The following MARCHF1 variants were observed in gnomAD, a reference collection of about 807,000 sequenced individuals.
MARCHF1 encodes membrane associated ring-CH-type finger 1.
MARCHF1 carries 40 observed loss-of-function variants against 54.2 expected under a neutral mutation model. That is an observed-to-expected ratio of 0.74 (90% confidence interval 0.57 to 0.96). The LOEUF (loss-of-function observed/expected upper bound fraction) is 0.96. Among genes scored for constraint, MARCHF1 ranks in the 40% least tolerant of loss-of-function variants. The pLI, the probability that MARCHF1 is intolerant of heterozygous loss-of-function variation, is 0.00. For synonymous variants in MARCHF1, 236 were observed against 236.3 expected (o/e 1.00, Z 0.01); for missense variants, 586 against 656.5 (o/e 0.89, Z 1.17).
chr4:164,164,880 A>C (rs901016424), intron 1 of MARCHF1, among the ~76,000 whole-genome samples: 2 of 152,080 alleles, frequency 1.3e-5, no homozygotes, highest in Non-Finnish European at 2.9e-5. Flanking sequence ...CAATGGGCCA[A>C]GTAAGACCCT....
chr4:164,379,573 G>C (rs967956331), intron 1 of MARCHF1, among the ~76,000 whole-genome samples: 2 of 152,062 alleles, frequency 1.3e-5, no homozygotes, highest in African/African-American at 2.4e-5. Context: ...GCAATATATA[G>C]AAAACTAAAG....
At chr4:163,749,328 TG>T (rs1260061390) in intron 4 of MARCHF1, among the ~76,000 whole-genome samples, 18 of 152,136 alleles carry the variant, frequency 1.2e-4, no homozygotes, top group African/African-American at 4.1e-4. Flanking sequence ...TTTTTGTTTT[TG>T]TTTTTTTATT....
intron 8 of MARCHF1, among the ~76,000 whole-genome samples, chr4:163,546,294 T>A (rs932526313): frequency 6.6e-6 from 1 of 152,188 alleles, no homozygotes; most frequent in Non-Finnish European, 1.5e-5. Context: ...AGATATATAT[T>A]AAATTGCAAA....
intron 9 of MARCHF1, among the ~76,000 whole-genome samples, chr4:163,532,142 A>G (rs1214937624): frequency 3.3e-5 from 5 of 151,860 alleles, no homozygotes; most frequent in African/African-American, 7.2e-5. Flanking sequence ...AGCCAACACA[A>G]TATTGAAGTG....
chr4:163,936,079 G>A (rs1751788670), intron 3 of MARCHF1, among the ~76,000 whole-genome samples: 1 of 152,220 alleles, frequency 6.6e-6, no homozygotes, highest in African/African-American at 2.4e-5. Flanking sequence ...GAATAGGAAG[G>A]TCCGAGGACA....
intron 1 of MARCHF1, among the ~76,000 whole-genome samples, chr4:164,373,828 A>T (rs1731108250): frequency 6.6e-6 from 1 of 152,192 alleles, no homozygotes; most frequent in Admixed American, 6.5e-5. Context: ...AGAGAGAATG[A>T]GTGGCTTGTC....
At chr4:163,567,368 G>A (rs187676329) in intron 8 of MARCHF1, among the ~76,000 whole-genome samples, 113 of 152,208 alleles carry the variant, frequency 7.4e-4, no homozygotes, top group African/African-American at 2.6e-3. Flanking sequence ...TACACAAAAC[G>A]CAGTCCTGCA....
chr4:163,838,640 G>A (rs949586825), intron 4 of MARCHF1, among the ~76,000 whole-genome samples: 1 of 152,070 alleles, frequency 6.6e-6, no homozygotes, highest in Admixed American at 6.5e-5. Context: ...CAAGGGCCAA[G>A]ATAATTGAAC....
chr4:163,880,548 A>T (rs1379068754), intron 3 of MARCHF1, among the ~76,000 whole-genome samples: 1 of 151,606 alleles, frequency 6.6e-6, no homozygotes, highest in Admixed American at 6.6e-5. Context: ...CTATTACTAC[A>T]TAAAAATTAT....
At chr4:164,151,877 C>G (rs548082627) in intron 1 of MARCHF1, among the ~76,000 whole-genome samples, 1 of 152,076 alleles carries the variant, frequency 6.6e-6, no homozygotes, top group Non-Finnish European at 1.5e-5. Flanking sequence ...CTGCAGCTTT[C>G]TTGACCTTTC....
intron 2 of MARCHF1, among the ~76,000 whole-genome samples, chr4:164,086,748 G>A (rs41513048): frequency 0.42 from 63,069 of 151,670 alleles, 14,046 homozygotes; most frequent in Non-Finnish European, 0.49. Context: ...CAGTTATTCC[G>A]AAGAACTCAC....
intron 1 of MARCHF1, among the ~76,000 whole-genome samples, chr4:164,179,293 T>A (rs1177559659): frequency 6.6e-6 from 1 of 152,186 alleles, no homozygotes; most frequent in African/African-American, 2.4e-5. Flanking sequence ...TAAACTCTTA[T>A]TAAGCTAAAA....
chr4:163,804,938 G>T (rs1249425845), intron 4 of MARCHF1, among the ~76,000 whole-genome samples: 1 of 152,100 alleles, frequency 6.6e-6, no homozygotes, highest in African/African-American at 2.4e-5. Flanking sequence ...TTCAGTGATT[G>T]CAATCTCGAA....
At chr4:164,326,959 G>T (rs1402750542) in intron 1 of MARCHF1, among the ~76,000 whole-genome samples, 2 of 119,530 alleles carry the variant, frequency 1.7e-5, no homozygotes, top group African/African-American at 6.7e-5. Flanking sequence ...TGTAAGGATT[G>T]TGTGTGTGTG....
chr4:163,714,843 T>A lies in MARCHF1; in HGVS notation c.112-13980A>T, dbSNP rs182010303. ...TGTCACTTTGCCTGGCTAACTTTTT[T>A]AAAAAACTTTTTATTTTTTGTGGAG... On this transcript the variant is annotated intron_variant, in intron 4 of 9. Coordinates refer to ENST00000514618, the MANE Select transcript of MARCHF1 (RefSeq NM_001394959.1). Among the ~76,000 whole-genome samples the A allele has an allele frequency of 7.5e-3, 1,147 of 152,158 alleles. 8 individuals are homozygous for A. The highest frequency in any genetic ancestry group is 0.022 in the South Asian group (104 of 4,818).
chr4:163,530,559 A>C (rs1738311159), intron 9 of MARCHF1: 1 of 151,796 alleles, frequency 6.6e-6, no homozygotes, highest in Non-Finnish European at 1.5e-5. Flanking sequence ...ATTTTTGGGG[A>C]AAAAATGTTC....
At chr4:163,642,194 G>C (rs1466042141) in intron 5 of MARCHF1, among the ~76,000 whole-genome samples, 1 of 152,142 alleles carries the variant, frequency 6.6e-6, no homozygotes, top group Non-Finnish European at 1.5e-5. Flanking sequence ...CAGTGATTGG[G>C]CTTATTTTTG....
At chr4:163,920,846 C>T (rs1751414575) in intron 3 of MARCHF1, among the ~76,000 whole-genome samples, 1 of 146,892 alleles carries the variant, frequency 6.8e-6, no homozygotes, top group African/African-American at 2.5e-5. Context: ...TTAGAATTTC[C>T]AGAACCTAAC....
rs1398696636 is a variant in MARCHF1, at chr4:164,124,845, A to G, written c.-322-13183T>C. Reference sequence around the variant, plus strand: ...TGCACTTTAAAAAAAGAATATATACAAAGAATGAATAAGACCTACTATTTG... The same window carrying G: ...TGCACTTTAAAAAAAGAATATATACGAAGAATGAATAAGACCTACTATTTG... On this transcript the variant is annotated intron_variant, in intron 1 of 9. Transcript: ENST00000514618. Among the ~76,000 whole-genome samples the G allele has an allele frequency of 4.6e-5, 7 of 152,130 alleles. No individual in the cohort carries two copies. In the East Asian group the frequency reaches 1.3e-3, roughly 29 times the overall value.
Sources: allele counts gnomAD v4.1 joint callset (sites outside exome capture counted in the v4.1 genomes callset), GRCh38; gene constraint gnomAD v4.1.1; transcripts MANE v1.5; gene names NCBI Gene and HGNC (gene_info 2026-07-23, HGNC 2026-07-21).